Variants in FCHSD2 observed in about 807,000 individuals in gnomAD.
FCHSD2 encodes FCH and double SH3 domains 2, also known as F-BAR and double SH3 domains protein 2.
Under a neutral mutation model 108.1 loss-of-function variants are expected in FCHSD2, and 38 were observed. That is an observed-to-expected ratio of 0.35 (90% CI 0.27 to 0.46). The LOEUF (loss-of-function observed/expected upper bound fraction) is 0.46, where lower values mean the gene tolerates loss of function less well. FCHSD2 is among the 20% of genes least tolerant of loss of function. The pLI is 1.00. For missense variants in FCHSD2, 751 were observed against 897.8 expected, an observed-to-expected ratio of 0.84 and a Z score of 2.09; for synonymous variants, 279 against 314.7, an observed-to-expected ratio of 0.89 and a Z score of 1.20.
chr11:72,925,513 G>A (rs59339955), intron 8 of FCHSD2, among the ~76,000 whole-genome samples: 7,450 of 152,212 alleles, frequency 0.049, 352 homozygotes, highest in African/African-American at 0.12. Context: ...GCAACAGAGC[G>A]AGACCCTATC....
At chr11:73,024,718 G>C (rs1424640059) in intron 3 of FCHSD2, among the ~76,000 whole-genome samples, 1 of 151,916 alleles carries the variant, frequency 6.6e-6, no homozygotes, top group Non-Finnish European at 1.5e-5. Context: ...TACCGAATGG[G>C]AGAAAATACT....
At chr11:72,924,668 G>A (rs1856041504) in intron 8 of FCHSD2, among the ~76,000 whole-genome samples, 1 of 148,312 alleles carries the variant, frequency 6.7e-6, no homozygotes, top group South Asian at 2.1e-4. Flanking sequence ...ATGTTTGGCT[G>A]TTCCATTAAA....
intron 13 of FCHSD2, among the ~76,000 whole-genome samples, chr11:72,860,790 C>T (rs1020492858): frequency 6.6e-6 from 1 of 151,452 alleles, no homozygotes; most frequent in African/African-American, 2.4e-5. Context: ...TGCACTCCAG[C>T]CTGAGTGACA....
intron 2 of FCHSD2, among the ~76,000 whole-genome samples, chr11:73,134,979 G>C (rs566667686): frequency 1.3e-5 from 2 of 152,198 alleles, no homozygotes; most frequent in Admixed American, 6.5e-5. Context: ...CAAGTAGCTA[G>C]AGTAGCTAGG....
intron 2 of FCHSD2, among the ~76,000 whole-genome samples, chr11:73,130,577 A>G (rs1165681274): frequency 2.0e-5 from 3 of 152,230 alleles, no homozygotes; most frequent in Non-Finnish European, 4.4e-5. Context: ...AGGAGCAGGT[A>G]AAGATTTCTG....
At chr11:73,041,509 A>G (rs1038161989) in intron 3 of FCHSD2, among the ~76,000 whole-genome samples, 2 of 152,016 alleles carry the variant, frequency 1.3e-5, no homozygotes, top group African/African-American at 4.8e-5. Flanking sequence ...TCATATACCT[A>G]CTGGCCATGT....
chr11:73,118,381 T>C (rs1860653661), intron 2 of FCHSD2, among the ~76,000 whole-genome samples: 1 of 152,154 alleles, frequency 6.6e-6, no homozygotes, highest in Non-Finnish European at 1.5e-5. Context: ...AGTTTCCTCA[T>C]GCCCCATCTT....
chr11:73,032,653 G>C (rs1024889855), intron 3 of FCHSD2, among the ~76,000 whole-genome samples: 1 of 151,840 alleles, frequency 6.6e-6, no homozygotes, highest in Non-Finnish European at 1.5e-5. Flanking sequence ...ATTACAACAG[G>C]AAAGTATATG....
chr11:73,118,997 G>C (rs1020238434), intron 2 of FCHSD2, among the ~76,000 whole-genome samples: 5 of 152,066 alleles, frequency 3.3e-5, no homozygotes, highest in Non-Finnish European at 4.4e-5. Flanking sequence ...ATTTTTGTTT[G>C]AAAAGAATGC....
At chr11:72,886,466 G>T (rs570619426) in intron 12 of FCHSD2, among the ~76,000 whole-genome samples, 33 of 152,162 alleles carry the variant, frequency 2.2e-4, no homozygotes, top group African/African-American at 7.5e-4. Context: ...GTGGCCTCTG[G>T]GTTCTTCAAC....
At chr11:73,057,905 A>G (rs1299822258) in intron 3 of FCHSD2, among the ~76,000 whole-genome samples, 4 of 148,284 alleles carry the variant, frequency 2.7e-5, no homozygotes, top group African/African-American at 1.0e-4. Flanking sequence ...TTTGAGACAG[A>G]GTCTCGCTCT....
At chr11:73,018,056 A>G (rs900086890) in intron 3 of FCHSD2, among the ~76,000 whole-genome samples, 5 of 152,226 alleles carry the variant, frequency 3.3e-5, no homozygotes, top group Non-Finnish European at 1.5e-5. Flanking sequence ...TTTTAAAGTA[A>G]CATTATGAAC....
At chr11:73,040,706 C>T (rs1347612902) in intron 3 of FCHSD2, among the ~76,000 whole-genome samples, 1 of 152,176 alleles carries the variant, frequency 6.6e-6, no homozygotes, top group Non-Finnish European at 1.5e-5. Flanking sequence ...TCATCTCAAA[C>T]ATTTATCATT....
Position 72,973,695 on chromosome 11 carries a change from C to T in FCHSD2, c.705+10393G>A, listed in dbSNP as rs980718338. On this transcript the variant is annotated intron_variant, in intron 8 of 19. Transcript: ENST00000409418. ...AGCTTGGTGGTTGGGTAAATGGGTACTCATTTTATTATTTTCAGCATATTT... is the reference window on the plus strand; with the variant it reads ...AGCTTGGTGGTTGGGTAAATGGGTATTCATTTTATTATTTTCAGCATATTT... Among the ~76,000 whole-genome samples, 7 of 152,244 alleles carry T rather than the reference C, an allele frequency of 4.6e-5. No homozygotes were observed. The East Asian group carries it at 9.7e-4, about 21-fold the overall frequency.
In FCHSD2 at chr11:73,142,032, G is replaced by A. The variant is rs887027491; in HGVS notation, c.-155C>T. On this transcript the variant is annotated 5_prime_UTR_variant, in exon 1 of 20. Transcript: ENST00000409418. ...CTTGCCCCGGAGGGAGCAGGCCAGCGGGCGGCAGGCGGACCCCAGCCAGAG... is the reference window on the plus strand; with the variant it reads ...CTTGCCCCGGAGGGAGCAGGCCAGCAGGCGGCAGGCGGACCCCAGCCAGAG... 1.5e-6 allele frequency: 1 copy of A among 683,030 alleles called. No individual in the cohort carries two copies. Among genetic ancestry groups the A allele is most frequent in the Non-Finnish European group, 2.4e-6 (1 of 418,470 alleles). 42.3% of individuals were successfully genotyped at this position (683,030 alleles called of 1,614,324 possible). A position where few individuals can be genotyped will look rare whatever the true frequency, so the allele number is the denominator to read the frequency against.
intron 3 of FCHSD2, among the ~76,000 whole-genome samples, chr11:73,020,672 A>T (rs187349271): frequency 6.6e-6 from 1 of 152,108 alleles, no homozygotes; most frequent in African/African-American, 2.4e-5. Context: ...ATGTAAGATT[A>T]AAAAAACAGT....
intron 2 of FCHSD2, among the ~76,000 whole-genome samples, chr11:73,118,436 C>A (rs1860655039): frequency 1.3e-5 from 2 of 152,226 alleles, no homozygotes; most frequent in African/African-American, 4.8e-5. Context: ...ACTGTACTGA[C>A]TTCTCCACCA....
intron 8 of FCHSD2, among the ~76,000 whole-genome samples, chr11:72,934,560 C>T (rs986675967): frequency 1.1e-4 from 17 of 152,124 alleles, no homozygotes; most frequent in African/African-American, 3.9e-4. Flanking sequence ...TCTCAAACTC[C>T]TGACCTCAGG....
rs1227399956 is a variant in FCHSD2, at chr11:73,016,846, C to T, written c.166-961G>A. Among the ~76,000 whole-genome samples the T allele has an allele frequency of 3.9e-5, 6 of 152,146 alleles. 1 individual carries two copies. The highest frequency in any genetic ancestry group is 3.9e-4 in the Admixed American group (6 of 15,258). On this transcript the variant is annotated intron_variant, in intron 3 of 19. Coordinates refer to ENST00000409418, the MANE Select transcript of FCHSD2 (RefSeq NM_014824.3). ...CTACACAACACAAATCTGGATAAAA[C>T]AGAATGTTTATCTATAACAGGTGTC...
Sources: gnomAD v4.1 joint callset for allele counts (sites outside exome capture counted in the v4.1 genomes callset) on GRCh38, gnomAD v4.1.1 for gene constraint, MANE v1.5 for transcripts, NCBI Gene and HGNC (gene_info 2026-07-23, HGNC 2026-07-21) for gene names.